LRRN3: variants seen among roughly 807,000 people sequenced by gnomAD.
The protein encoded by LRRN3 is leucine rich repeat neuronal 3.
In LRRN3, 15 loss-of-function variants were observed where a neutral mutation model predicts 40.1. That is an observed-to-expected ratio of 0.37 (90% confidence interval 0.25 to 0.58). The LOEUF is 0.58. Ranked by LOEUF, LRRN3 falls within the 20% of genes least tolerant of loss-of-function variation. The pLI is 0.72. For synonymous variants in LRRN3, 308 were observed against 297.2 expected, an observed-to-expected ratio of 1.04 and a Z score of -0.37; for missense variants, 746 against 837.7, an observed-to-expected ratio of 0.89 and a Z score of 1.35.
chr7:111,103,323 A>C (rs1439460092), intron 2 of LRRN3, among the ~76,000 whole-genome samples: 1 of 151,566 alleles, frequency 6.6e-6, no homozygotes, highest in Non-Finnish European at 1.5e-5. Context: ...CACACAGACC[A>C]ATATTGGATT....
intron 2 of LRRN3, among the ~76,000 whole-genome samples, chr7:111,111,453 A>G (rs1586341112): frequency 6.8e-6 from 1 of 146,758 alleles, no homozygotes; most frequent in East Asian, 2.2e-4. Flanking sequence ...CCCCGCCCTT[A>G]ATTTTAGCCC....
Position 111,123,567 on chromosome 7 carries a change from G to A in LRRN3, c.795G>A (p.Leu265=). 1 of 1,613,402 alleles carries A rather than the reference G, an allele frequency of 6.2e-7. No individual in the cohort carries two copies. The highest frequency in any genetic ancestry group is 8.5e-7 in the Non-Finnish European group (1 of 1,179,708). ...AAAAAGTTGTAAATCTCAAATTTTT[G>A]GATCTAAATAAAAATCCTATTAATA... is the stretch of plus-strand genomic sequence containing the variant. The part of the protein sequence containing the change: ...ALQKVVNLKF[L]DLNKNPINRI... Residue 265 remains leucine, a synonymous_variant, in exon 3 of 3, where the codon TTG becomes TTA. Coordinates refer to ENST00000308478, the MANE Select transcript of LRRN3 (RefSeq NM_001099658.2). The surrounding 1 kb of genome is among the most constrained non-coding windows in gnomAD (Gnocchi z 6.4).
At position 111,123,928 on chromosome 7, in the gene LRRN3, A is replaced by G. The variant is rs770099594; in HGVS notation, c.1156A>G (p.Ile386Val). The G allele has an allele frequency of 6.2e-7, 1 of 1,614,046 alleles. No homozygotes were observed. The highest frequency in any genetic ancestry group is 8.5e-7 in the Non-Finnish European group (1 of 1,180,008). The change falls in exon 3 of 3, where the codon ATT becomes GTT. Residue 386 changes from isoleucine to valine, a missense_variant. Coordinates refer to ENST00000308478, the MANE Select transcript of LRRN3 (RefSeq NM_001099658.2). The surrounding 1 kb of genome is among the most constrained non-coding windows in gnomAD (Gnocchi z 6.4). Reference sequence around the variant, plus strand: ...TTGGATGAACATGAACAAAACCAACATTCGATTCATGGAGCCAGATTCACT... The same window carrying G: ...TTGGATGAACATGAACAAAACCAACGTTCGATTCATGGAGCCAGATTCACT... Reference protein sequence around the residue: ...IRWMNMNKTNIRFMEPDSLFC... With the variant: ...IRWMNMNKTNVRFMEPDSLFC...
At position 111,121,943 on chromosome 7, in the gene LRRN3, C is replaced by T. The variant is rs1380164894; in HGVS notation, c.-358-472C>T. On this transcript the variant is annotated intron_variant, in intron 2 of 2. Transcript: ENST00000308478. ...GTCCTTTGTAGGGACATGGATGAAGCTGGAAATCATCATTCTCAGCAAACT... is the reference window on the plus strand; with the variant it reads ...GTCCTTTGTAGGGACATGGATGAAGTTGGAAATCATCATTCTCAGCAAACT... Among the ~76,000 whole-genome samples the T allele has an allele frequency of 3.9e-5, 6 of 152,110 alleles. No individual in the cohort carries two copies. The East Asian group carries it at 9.7e-4, about 25-fold the overall frequency.
At position 111,123,763 on chromosome 7, in the gene LRRN3, T is replaced by G. The variant is rs565365946; in HGVS notation, c.991T>G (p.Phe331Val). Residue 331 changes from phenylalanine (F) to valine (V), a missense_variant, in exon 3 of 3, where the codon TTC becomes GTC. Transcript: ENST00000308478. The surrounding 1 kb of genome is among the most constrained non-coding windows in gnomAD (Gnocchi z 6.4). ...GTCTTACATTCACCCCAATGCATTTTTCAGACTCCCCAAGCTGGAATCACT... is the reference window on the plus strand; with the variant it reads ...GTCTTACATTCACCCCAATGCATTTGTCAGACTCCCCAAGCTGGAATCACT... ...RLSYIHPNAF[F>V]RLPKLESLML... 1 of 1,613,982 alleles carries G rather than the reference T, an allele frequency of 6.2e-7. No homozygotes were observed. The highest frequency in any genetic ancestry group is 1.7e-5 in the Admixed American group (1 of 59,964).
At position 111,122,896 on chromosome 7, in the gene LRRN3, A is replaced by G; in HGVS notation, c.124A>G (p.Thr42Ala). Residue 42 changes from threonine (T) to alanine (A), a missense_variant, in exon 3 of 3, where the codon ACA becomes GCA. Transcript: ENST00000308478. ...TACGTGTGAAATCAGGCCTTGGTTT[A>G]CACCCAGATCCATTTATATGGAAGC... ...LCTCEIRPWFTPRSIYMEAST... is the reference protein window; with the variant it reads ...LCTCEIRPWFAPRSIYMEAST... The G allele has an allele frequency of 6.2e-7, 1 of 1,614,066 alleles. No homozygotes were observed. The highest frequency in any genetic ancestry group is 8.5e-7 in the Non-Finnish European group (1 of 1,179,958).
rs117104380 is a variant in LRRN3 at position 111,105,291 on chromosome 7, A to T, written c.-359+5329A>T. ...TTCATTTTGCAACAACCTTCTATGA[A>T]TCTGACATCTAGTTATTTCAGTTAA... On this transcript the variant is annotated intron_variant, in intron 2 of 2. Transcript: ENST00000308478. Among the ~76,000 whole-genome samples, 256 of 152,062 alleles carry T rather than the reference A, an allele frequency of 1.7e-3. 4 individuals carry two copies. The East Asian group carries it at 0.038, about 22-fold the overall frequency.
intron 2 of LRRN3, among the ~76,000 whole-genome samples, chr7:111,110,751 T>C (rs1454500370): frequency 6.6e-6 from 1 of 152,196 alleles, no homozygotes; most frequent in Non-Finnish European, 1.5e-5. Flanking sequence ...ATTACTGATA[T>C]TAATTTAATA....
intron 1 of LRRN3, among the ~76,000 whole-genome samples, chr7:111,092,482 C>A (rs759233956): frequency 6.6e-6 from 1 of 152,016 alleles, no homozygotes; most frequent in Admixed American, 6.6e-5. Flanking sequence ...TGAGTAGAAC[C>A]GTCCTAATTT....
intron 2 of LRRN3, among the ~76,000 whole-genome samples, chr7:111,114,635 C>T (rs1306477970): frequency 6.6e-6 from 1 of 150,726 alleles, no homozygotes; most frequent in Non-Finnish European, 1.5e-5. Context: ...ACTTGGGAGG[C>T]TGAGGCAGGA....
chr7:111,100,564 T>C (rs778013038), intron 2 of LRRN3, among the ~76,000 whole-genome samples: 1 of 150,456 alleles, frequency 6.6e-6, no homozygotes, highest in Non-Finnish European at 1.5e-5. Context: ...AATAATATAA[T>C]GATAATGAAC....
chr7:111,093,924 A>G (rs1797133101), intron 1 of LRRN3, among the ~76,000 whole-genome samples: 1 of 152,116 alleles, frequency 6.6e-6, no homozygotes. Context: ...AATGCTGATG[A>G]GTAGGTGGAA....
At chr7:111,091,627 T>C (rs989281778) in intron 1 of LRRN3, 123 bp downstream of exon 1, 4 of 152,216 alleles carry the variant, frequency 2.6e-5, no homozygotes, top group African/African-American at 4.8e-5. Flanking sequence ...AGAGCATTTT[T>C]CTTTTATTGC....
chr7:111,123,876 C>T lies in LRRN3; in HGVS notation c.1104C>T (p.Asn368=). 1.2e-6 allele frequency: 2 copies of T among 1,613,982 alleles called. No individual in the cohort carries two copies. Among genetic ancestry groups the T allele is most frequent in the South Asian group, 2.2e-5 (2 of 91,078 alleles). Residue 368 remains asparagine, a synonymous_variant, in exon 3 of 3, where the codon AAC becomes AAT. Coordinates refer to ENST00000308478, the MANE Select transcript of LRRN3 (RefSeq NM_001099658.2). This position sits in a 1 kb window ranked among gnomAD's most constrained non-coding sequence, Gnocchi z 6.4. Reference sequence around the variant, plus strand: ...TCAAGGAAATCAGCATACACAGTAACCCCATCAGGTGTGACTGTGTCATCC... The same window carrying T: ...TCAAGGAAATCAGCATACACAGTAATCCCATCAGGTGTGACTGTGTCATCC... ...PNLKEISIHS[N]PIRCDCVIRW...
At chr7:111,101,429 G>C (rs1315185906) in intron 2 of LRRN3, among the ~76,000 whole-genome samples, 1 of 151,452 alleles carries the variant, frequency 6.6e-6, no homozygotes, top group African/African-American at 2.4e-5. Context: ...CAGAATCTGT[G>C]AGAGTAACAC....
At chr7:111,097,555 CAACT>C (rs1381254759) in intron 1 of LRRN3, among the ~76,000 whole-genome samples, 2 of 151,386 alleles carry the variant, frequency 1.3e-5, no homozygotes, top group Non-Finnish European at 3.0e-5. Flanking sequence ...ATAACATTGT[CAACT>C]AACTTTCAGC....
intron 1 of LRRN3, among the ~76,000 whole-genome samples, chr7:111,097,846 G>C (rs1797567629): frequency 6.6e-6 from 1 of 151,576 alleles, no homozygotes; most frequent in Non-Finnish European, 1.5e-5. Flanking sequence ...TTCAATAGTT[G>C]CAGGAAATAA....
intron 1 of LRRN3, among the ~76,000 whole-genome samples, chr7:111,092,424 T>C (rs1254053341): frequency 6.6e-6 from 1 of 152,234 alleles, no homozygotes; most frequent in African/African-American, 2.4e-5. Flanking sequence ...TTTAACAATA[T>C]GTCCTTGTTT....
At chr7:111,104,534 T>G (rs1462098464) in intron 2 of LRRN3, among the ~76,000 whole-genome samples, 1 of 151,824 alleles carries the variant, frequency 6.6e-6, no homozygotes, top group Non-Finnish European at 1.5e-5. Context: ...GGGGACATTA[T>G]ATGTGAAACT....
Sources: allele counts gnomAD v4.1 joint callset (sites outside exome capture counted in the v4.1 genomes callset), GRCh38; gene constraint gnomAD v4.1.1; non-coding constraint Gnocchi (gnomAD v3.1); transcripts MANE v1.5; gene names NCBI Gene and HGNC (gene_info 2026-07-23, HGNC 2026-07-21).